The following RORB variants were observed in gnomAD, a reference collection of about 807,000 sequenced individuals.
RORB encodes nuclear receptor ROR-beta.
A neutral mutation model predicts 59.1 loss-of-function variants in RORB; 6 were observed. That is an observed-to-expected ratio of 0.10 (90% CI 0.06 to 0.20). The LOEUF (loss-of-function observed/expected upper bound fraction) is 0.20. Ranked by LOEUF, RORB falls within the 10% of genes least tolerant of loss-of-function variation. The pLI is 1.00. For synonymous variants in RORB, 215 were observed against 204.5 expected (o/e 1.05, Z -0.44); for missense variants, 320 against 560.5 (o/e 0.57, Z 4.33).
chr9:74,608,391 C>T (rs891255543), intron 1 of RORB, among the ~76,000 whole-genome samples: 10 of 151,906 alleles, frequency 6.6e-5, no homozygotes, highest in Non-Finnish European at 1.2e-4. Flanking sequence ...CGCTGAAACC[C>T]CGTCTCTACT....
intron 1 of RORB, among the ~76,000 whole-genome samples, chr9:74,556,670 C>T (rs192533297): frequency 1.0e-3 from 152 of 151,856 alleles, no homozygotes; most frequent in African/African-American, 3.6e-3. Flanking sequence ...AGATAAATGG[C>T]AACAACAACA....
intron 9 of RORB, among the ~76,000 whole-genome samples, chr9:74,679,418 G>C (rs1824505607): frequency 6.6e-6 from 1 of 152,080 alleles, no homozygotes; most frequent in Non-Finnish European, 1.5e-5. Flanking sequence ...CTTCCCTCAG[G>C]CTTCCTCCCA....
At chr9:74,669,479 CA>C (rs35519349) in intron 8 of RORB, among the ~76,000 whole-genome samples, 39,058 of 103,236 alleles carry the variant, frequency 0.38, 5,608 homozygotes, top group African/African-American at 0.5. Flanking sequence ...AACTCTGTCT[CA>C]AAAAAAAAAA....
At chr9:74,635,664 A>G (rs112870696) in intron 3 of RORB, among the ~76,000 whole-genome samples, 65 of 152,248 alleles carry the variant, frequency 4.3e-4, no homozygotes, top group African/African-American at 1.5e-3. Context: ...TGAATAAACT[A>G]TGGAAATCCC....
At chr9:74,505,998 A>G (rs927274244) in intron 1 of RORB, among the ~76,000 whole-genome samples, 4 of 151,862 alleles carry the variant, frequency 2.6e-5, no homozygotes, top group Non-Finnish European at 2.9e-5. Flanking sequence ...TATCACCAAG[A>G]AAAAGAAAAC....
intron 1 of RORB, among the ~76,000 whole-genome samples, chr9:74,573,043 C>T (rs1325976080): frequency 6.6e-6 from 1 of 152,110 alleles, no homozygotes; most frequent in African/African-American, 2.4e-5. Flanking sequence ...GTCAGGTGCC[C>T]ATTTTCCCAA....
rs1392429359 is a variant in RORB, at chr9:74,676,984, C to T, written c.1224+5083C>T. Among the ~76,000 whole-genome samples the T allele has an allele frequency of 3.3e-5, 5 of 152,212 alleles. No homozygotes were observed. The East Asian group carries it at 5.8e-4, about 18-fold the overall frequency. ...AACTTTGAAGTTCATCTCCTCAGAT[C>T]GTTTGGTTGATTCACTGTCATTGCC... On this transcript the variant is annotated intron_variant, in intron 9 of 9. Transcript: ENST00000376896.
Position 74,692,386 on chromosome 9 carries a change from C to T in RORB, c.*6768C>T, listed in dbSNP as rs146804726. ...AATATTTTTGAAATCCCTAACAATGCTTCCTTGCTTTTAGGATTGAGAGAA... is the reference window on the plus strand; with the variant it reads ...AATATTTTTGAAATCCCTAACAATGTTTCCTTGCTTTTAGGATTGAGAGAA... On this transcript the variant is annotated 3_prime_UTR_variant, in exon 10 of 10. Coordinates refer to ENST00000376896, the MANE Select transcript of RORB (RefSeq NM_006914.4). The T allele has an allele frequency of 7.2e-5, 11 of 152,326 alleles. No individual in the cohort carries two copies. In the East Asian group the frequency reaches 2.1e-3, roughly 29 times the overall value. 9.4% of individuals were successfully genotyped at this position (152,326 alleles called of 1,614,324 possible). A position where few individuals can be genotyped will look rare whatever the true frequency, so the allele number is the denominator to read the frequency against.
chr9:74,580,029 A>G (rs1054487590), intron 1 of RORB, among the ~76,000 whole-genome samples: 8 of 152,136 alleles, frequency 5.3e-5, no homozygotes, highest in Admixed American at 3.9e-4. Context: ...ATTGTTGTTT[A>G]TTATTATTGT....
intron 1 of RORB, among the ~76,000 whole-genome samples, chr9:74,569,078 A>T (rs1452323621): frequency 6.6e-6 from 1 of 152,108 alleles, no homozygotes; most frequent in Non-Finnish European, 1.5e-5. Context: ...TAAACCATTG[A>T]TATATTATAG....
chr9:74,590,769 T>TTTTTGTTTTGTTTTG (rs201941714), intron 1 of RORB, among the ~76,000 whole-genome samples: 34 of 152,208 alleles, frequency 2.2e-4, no homozygotes, highest in African/African-American at 7.5e-4. Flanking sequence ...CTAATCTGTT[T>TTTTTGTTTTGTTTTG]TTTTGTTTTG....
chr9:74,683,949 T>A (rs983207894), intron 9 of RORB, among the ~76,000 whole-genome samples: 19 of 152,144 alleles, frequency 1.2e-4, no homozygotes, highest in African/African-American at 4.6e-4. Context: ...TGAAAAAAAA[T>A]TAATAATGTT....
At chr9:74,610,687 G>C (rs912202) in intron 1 of RORB, among the ~76,000 whole-genome samples, 47,252 of 151,998 alleles carry the variant, frequency 0.31, 7,517 homozygotes, top group Non-Finnish European at 0.35. Context: ...AACTTATCCA[G>C]ACTACACAGT....
At chr9:74,605,213 C>T (rs1297179541) in intron 1 of RORB, among the ~76,000 whole-genome samples, 4 of 152,024 alleles carry the variant, frequency 2.6e-5, no homozygotes, top group African/African-American at 4.8e-5. Context: ...ATGAAAATGT[C>T]GACCCAGCCT....
intron 9 of RORB, among the ~76,000 whole-genome samples, chr9:74,673,641 G>A (rs928317007): frequency 2.0e-5 from 3 of 152,128 alleles, no homozygotes; most frequent in Admixed American, 6.6e-5. Context: ...ATTGAAGAAC[G>A]AAAGATATTT....
At chr9:74,652,171 CCGAGG>C (rs1038094591) in intron 4 of RORB, among the ~76,000 whole-genome samples, 2 of 152,134 alleles carry the variant, frequency 1.3e-5, no homozygotes, top group Non-Finnish European at 2.9e-5. Context: ...CTTTGGGAGG[CCGAGG>C]CGGGCAGATC....
intron 1 of RORB, among the ~76,000 whole-genome samples, chr9:74,577,036 A>G (rs988640003): frequency 1.3e-5 from 2 of 152,070 alleles, no homozygotes; most frequent in African/African-American, 2.4e-5. Flanking sequence ...AGAGGTTTCA[A>G]GTGTATGTAG....
At chr9:74,608,421 G>A (rs1048375785) in intron 1 of RORB, among the ~76,000 whole-genome samples, 16 of 151,932 alleles carry the variant, frequency 1.1e-4, no homozygotes, top group African/African-American at 2.4e-4. Flanking sequence ...AAAATAAGCC[G>A]GGCGTGGTGG....
At chr9:74,523,305 AT>A (rs1014481726) in intron 1 of RORB, among the ~76,000 whole-genome samples, 6 of 150,562 alleles carry the variant, frequency 4.0e-5, no homozygotes, top group Non-Finnish European at 7.4e-5. Flanking sequence ...TAGTCTTCTA[AT>A]TTTTTTTCCA....
Sources: allele counts gnomAD v4.1 joint callset (sites outside exome capture counted in the v4.1 genomes callset), GRCh38; gene constraint gnomAD v4.1.1; transcripts MANE v1.5; gene names NCBI Gene and HGNC (gene_info 2026-07-23, HGNC 2026-07-21).